The following SDHAF2 variants were observed in gnomAD, a reference collection of about 807,000 sequenced individuals.
SDHAF2 encodes the protein succinate dehydrogenase assembly factor 2, mitochondrial.
Under a neutral mutation model 18.5 loss-of-function variants are expected in SDHAF2, and 21 were observed. The ratio of observed to expected loss-of-function variants is 1.13; its 90% CI spans 0.80 to 1.63. SDHAF2 has a LOEUF of 1.63. Ranked by LOEUF, SDHAF2 falls within the 40% of genes most tolerant of loss-of-function variation. The pLI, the probability that SDHAF2 is intolerant of heterozygous loss-of-function variation, is 0.00. For missense variants in SDHAF2, 195 were observed against 200.3 expected (o/e 0.97, Z 0.16); for synonymous variants, 84 against 70.7 (o/e 1.19, Z -0.94).
chr11:61,442,068 T>C, intron 3 of SDHAF2, among the ~76,000 whole-genome samples: 1 of 151,946 alleles, frequency 6.6e-6, no homozygotes, highest in Non-Finnish European at 1.5e-5. Flanking sequence ...TGTTGTTGTA[T>C]TTTTTGTGGA....
intron 3 of SDHAF2, among the ~76,000 whole-genome samples, chr11:61,439,152 T>C (rs1303927591): frequency 6.6e-6 from 1 of 152,116 alleles, no homozygotes; most frequent in Non-Finnish European, 1.5e-5. Context: ...AAAACAGTAA[T>C]GGCTTAAACA....
chr11:61,446,163 C>T lies in SDHAF2; in HGVS notation c.*92C>T. Reference sequence around the variant, plus strand: ...CCTTGCTTCCGGCTTCTTAGATGCCCAGCTGCCCTACCCCAGACCACTGGT... The same window carrying T: ...CCTTGCTTCCGGCTTCTTAGATGCCTAGCTGCCCTACCCCAGACCACTGGT... On this transcript the variant is annotated 3_prime_UTR_variant, in exon 4 of 4. Transcript: ENST00000301761. 6.9e-7 allele frequency: 1 copy of T among 1,458,564 alleles called. No homozygotes were observed. The highest frequency in any genetic ancestry group is 2.3e-5 in the East Asian group (1 of 44,138). 90.4% of individuals were successfully genotyped at this position (1,458,564 alleles called of 1,614,324 possible).
At position 61,437,449 on chromosome 11, in the gene SDHAF2, G is replaced by A. The variant is rs114824659; in HGVS notation, c.37-176G>A. 4.2e-3 allele frequency among the ~76,000 whole-genome samples: 643 copies of A among 152,224 alleles called. 6 individuals are homozygous for A. Among genetic ancestry groups the A allele is most frequent in the African/African-American group, 0.015 (618 of 41,528 alleles). On this transcript the variant is annotated intron_variant, in intron 1 of 3. Transcript: ENST00000301761. ...CTCCTGAACTCAAGTAATCATGCTC[G>A]CGTTGACCTCCCAAAGTGCTGGGAT...
At chr11:61,438,177 A>T in intron 3 of SDHAF2, 64 bp downstream of exon 3, 1 of 1,218,010 alleles carries the variant, frequency 8.2e-7, no homozygotes, top group Non-Finnish European at 1.2e-6. Flanking sequence ...TGAGTCTAGA[A>T]TTGTATCCTA....
chr11:61,436,345 C>T (rs764255154), intron 1 of SDHAF2, among the ~76,000 whole-genome samples: 27 of 152,144 alleles, frequency 1.8e-4, no homozygotes, highest in Non-Finnish European at 3.5e-4. Flanking sequence ...GCATACTGCA[C>T]CTGTTTCCCT....
chr11:61,430,246 T>A (rs1861845346), intron 1 of SDHAF2, 64 bp downstream of exon 1: 2 of 1,599,786 alleles, frequency 1.3e-6, no homozygotes, highest in South Asian at 2.2e-5. Context: ...TTTGTCTTCC[T>A]CTGTGGTCTC....
chr11:61,437,784 A>G lies in SDHAF2; in HGVS notation c.196A>G (p.Lys66Glu), dbSNP rs371977724. The part of the protein sequence containing the change: ...QERTDESIET[K>E]RARLLYESRK... ...GAGAACTGATGAATCCATAGAAACC[A>G]AAAGAGCCCGCCTGCTCTATGAGAG... The change falls in exon 2 of 4, where the codon AAA (lysine) becomes GAA (glutamate). Residue 66 changes from lysine to glutamate, a missense_variant. Physicochemically the swap from Lys to Glu is moderately conservative, Grantham distance 56 (BLOSUM62 1). Coordinates refer to ENST00000301761, the MANE Select transcript of SDHAF2 (RefSeq NM_017841.4). 1 of 1,614,134 alleles carries G rather than the reference A, an allele frequency of 6.2e-7. No homozygotes were observed. Among genetic ancestry groups the G allele is most frequent in the Non-Finnish European group, 8.5e-7 (1 of 1,180,016 alleles).
chr11:61,440,796 C>T (rs548982557), intron 3 of SDHAF2, among the ~76,000 whole-genome samples: 3 of 152,144 alleles, frequency 2.0e-5, no homozygotes, highest in Admixed American at 1.3e-4. Context: ...AGCAGGTAAA[C>T]GAATATGATT....
At chr11:61,431,145 C>T (rs1171161634) in intron 1 of SDHAF2, 1 of 152,258 alleles carries the variant, frequency 6.6e-6, no homozygotes, top group Non-Finnish European at 1.5e-5. Flanking sequence ...CCGCCTCAGC[C>T]TCCCAGGTAG....
At chr11:61,441,091 G>C (rs1196006606) in intron 3 of SDHAF2, among the ~76,000 whole-genome samples, 1 of 151,970 alleles carries the variant, frequency 6.6e-6, no homozygotes, top group Non-Finnish European at 1.5e-5. Flanking sequence ...CAGCTACTTG[G>C]GAGGATCACT....
intron 3 of SDHAF2, among the ~76,000 whole-genome samples, chr11:61,441,853 T>G (rs987545063): frequency 6.6e-6 from 1 of 151,244 alleles, no homozygotes; most frequent in Non-Finnish European, 1.5e-5. Flanking sequence ...TTTGGTGACA[T>G]GTCTCTTCAA....
chr11:61,437,389 C>G (rs1206682934), intron 1 of SDHAF2, among the ~76,000 whole-genome samples: 1 of 152,064 alleles, frequency 6.6e-6, no homozygotes, highest in Non-Finnish European at 1.5e-5. Flanking sequence ...TTGGTAGAGA[C>G]AGGGTCTCGC....
chr11:61,440,144 G>A (rs551545918), intron 3 of SDHAF2, among the ~76,000 whole-genome samples: 6 of 152,036 alleles, frequency 3.9e-5, no homozygotes, highest in South Asian at 4.2e-4. Flanking sequence ...ACAATACCCC[G>A]TCTCTACTAA....
chr11:61,437,376 T>C (rs1331626539), intron 1 of SDHAF2, among the ~76,000 whole-genome samples: 1 of 152,050 alleles, frequency 6.6e-6, no homozygotes, highest in Non-Finnish European at 1.5e-5. Context: ...AATTTTTGTA[T>C]TTTTGGTAGA....
rs1862055668 is a variant in SDHAF2, at chr11:61,440,741, A to ATAAC, written c.370+2631_370+2634dup. 3.9e-5 allele frequency among the ~76,000 whole-genome samples: 6 copies of ATAAC among 152,354 alleles called. No homozygotes were observed. In the South Asian group the frequency reaches 1.2e-3, roughly 32 times the overall value. On this transcript the variant is annotated intron_variant, in intron 3 of 3. Coordinates refer to ENST00000301761, the MANE Select transcript of SDHAF2 (RefSeq NM_017841.4). ...GGCTTTGCAGGCCATACAGCCTCTC[A>ATAAC]TAACTACTCACCTCGACCTTTGTAG...
At position 61,445,803 on chromosome 11, in the gene SDHAF2, G is replaced by A. The variant is rs924959142; in HGVS notation, c.371-138G>A. On this transcript the variant is annotated intron_variant, in intron 3 of 3. Transcript: ENST00000301761. The stretch of plus-strand genomic sequence containing the variant: ...CCACCCCCTGGTATAGGCTAACATC[G>A]TGTATATTTAGAAGAAGGATGGAGA... The A allele has an allele frequency of 6.7e-6, 7 of 1,044,528 alleles. No individual in the cohort carries two copies. In the African/African-American group the frequency reaches 7.9e-5, roughly 12 times the overall value. 64.7% of individuals were successfully genotyped at this position (1,044,528 alleles called of 1,614,324 possible). A position where few individuals can be genotyped will look rare whatever the true frequency, so the allele number is the denominator to read the frequency against.
chr11:61,440,083 G>A (rs888035159), intron 3 of SDHAF2, among the ~76,000 whole-genome samples: 2 of 152,178 alleles, frequency 1.3e-5, no homozygotes, highest in African/African-American at 4.8e-5. Flanking sequence ...GGGAAGCCGA[G>A]GCAGGTGGAT....
intron 1 of SDHAF2, chr11:61,435,688 G>A (rs964057826): frequency 2.6e-5 from 4 of 152,078 alleles, no homozygotes; most frequent in South Asian, 2.1e-4. Flanking sequence ...TAGTGTCTGC[G>A]TATGATACTG....
In SDHAF2 at chr11:61,437,570, G is replaced by A. The variant is rs974986408; in HGVS notation, c.37-55G>A. The A allele has an allele frequency of 6.4e-6, 9 of 1,414,904 alleles. No homozygotes were observed. The Middle Eastern group carries it at 8.7e-4, about 137-fold the overall frequency. The allele number at this position is 1,414,904 out of a possible 1,614,324, so 87.6% of individuals were successfully genotyped here. A position where few individuals can be genotyped will look rare whatever the true frequency, so the allele number is the denominator to read the frequency against. On this transcript the variant is annotated intron_variant, in intron 1 of 3. Transcript: ENST00000301761. ...AGCACCTAGTAAGCATTGAGTAAAT[G>A]ATAGCGATGATAGTCGTCATTATTG... is the stretch of plus-strand genomic sequence containing the variant.
Sources: allele counts gnomAD v4.1 joint callset (sites outside exome capture counted in the v4.1 genomes callset), GRCh38; gene constraint gnomAD v4.1.1; transcripts MANE v1.5; gene names NCBI Gene and HGNC (gene_info 2026-07-23, HGNC 2026-07-21).